IGF1R: variants seen among roughly 807,000 people sequenced by gnomAD.
The protein encoded by IGF1R is insulin like growth factor 1 receptor.
In IGF1R, 44 loss-of-function variants were observed where a neutral mutation model predicts 144.6. The observed-to-expected ratio is 0.30, with a 90% confidence interval of 0.24 to 0.39. IGF1R has a LOEUF of 0.39. IGF1R is among the 10% of genes least tolerant of loss of function. The pLI, the probability that IGF1R is intolerant of heterozygous loss-of-function variation, is 1.00. For synonymous variants in IGF1R, 795 were observed against 722.8 expected (o/e 1.10, Z -1.60); for missense variants, 1,355 against 1,833.7 (o/e 0.74, Z 4.77).
chr15:98,685,947 C>T (rs763820343), intron 1 of IGF1R, among the ~76,000 whole-genome samples: 2 of 152,222 alleles, frequency 1.3e-5, no homozygotes, highest in Non-Finnish European at 2.9e-5. Flanking sequence ...GCATTAAGTA[C>T]ATTCATATTG....
At chr15:98,921,923 G>A (rs568898520) in intron 10 of IGF1R, among the ~76,000 whole-genome samples, 2 of 152,078 alleles carry the variant, frequency 1.3e-5, no homozygotes, top group South Asian at 2.1e-4. Flanking sequence ...TCTGAGAGCC[G>A]GGGGGTGGGG....
chr15:98,881,525 G>T (rs1432769778), intron 2 of IGF1R, among the ~76,000 whole-genome samples: 1 of 152,192 alleles, frequency 6.6e-6, no homozygotes, highest in Non-Finnish European at 1.5e-5. Flanking sequence ...CTTTCACCAT[G>T]TTGACCAGGC....
intron 1 of IGF1R, among the ~76,000 whole-genome samples, chr15:98,694,654 A>G (rs751573494): frequency 6.6e-6 from 1 of 152,156 alleles, no homozygotes; most frequent in Non-Finnish European, 1.5e-5. Flanking sequence ...TTTGAGAATT[A>G]TATTGTTCTC....
intron 1 of IGF1R, among the ~76,000 whole-genome samples, chr15:98,697,931 C>T (rs938747341): frequency 6.6e-6 from 1 of 151,654 alleles, no homozygotes; most frequent in African/African-American, 2.4e-5. Flanking sequence ...GATGGGGTTT[C>T]GCCATGTTGG....
At chr15:98,892,956 G>A (rs963639015) in intron 3 of IGF1R, among the ~76,000 whole-genome samples, 5 of 152,124 alleles carry the variant, frequency 3.3e-5, no homozygotes, top group African/African-American at 7.2e-5. Context: ...GGTCAAGGCC[G>A]AAATAAGCCA....
chr15:98,940,930 T>G (rs2016342641), intron 18 of IGF1R, among the ~76,000 whole-genome samples: 1 of 152,212 alleles, frequency 6.6e-6, no homozygotes, highest in South Asian at 2.1e-4. Context: ...CAAGAGGCCG[T>G]CCTGCCTCAG....
At position 98,891,819 on chromosome 15, in the gene IGF1R, A is replaced by G. The variant is rs2013937735; in HGVS notation, c.953+182A>G. ...TGGTGAGATTCTAGGAACAATTGGC[A>G]TGGCTTACCGCCCCCCTCACCAGTT... On this transcript the variant is annotated intron_variant, in intron 3 of 20. Transcript: ENST00000650285. The surrounding 1 kb of genome is among the most constrained non-coding windows in gnomAD (Gnocchi z 4.7). Among the ~76,000 whole-genome samples the G allele has an allele frequency of 6.6e-6, 1 of 152,208 alleles. No individual in the cohort carries two copies. The highest frequency in any genetic ancestry group is 2.1e-4 in the South Asian group (1 of 4,830).
intron 11 of IGF1R, among the ~76,000 whole-genome samples, chr15:98,923,355 C>T (rs553849182): frequency 2.2e-3 from 336 of 152,374 alleles, no homozygotes; most frequent in Admixed American, 4.5e-3. Context: ...TCGGGGCCAT[C>T]CTTCGTGCCT....
At chr15:98,748,781 T>C (rs1343124232) in intron 2 of IGF1R, among the ~76,000 whole-genome samples, 1 of 152,250 alleles carries the variant, frequency 6.6e-6, no homozygotes, top group Non-Finnish European at 1.5e-5. Context: ...GTTGGTATCT[T>C]CACTGCAAAC....
intron 2 of IGF1R, among the ~76,000 whole-genome samples, chr15:98,867,436 T>G (rs2012515392): frequency 6.6e-6 from 1 of 152,210 alleles, no homozygotes; most frequent in African/African-American, 2.4e-5. Flanking sequence ...CCCTACCACT[T>G]GCCAGTCTTG....
intron 13 of IGF1R, among the ~76,000 whole-genome samples, chr15:98,928,244 C>G (rs1034059166): frequency 6.6e-6 from 1 of 152,140 alleles, no homozygotes; most frequent in African/African-American, 2.4e-5. Context: ...CCATGACTTA[C>G]CAAGCCAGAT....
In IGF1R at chr15:98,923,882, C is replaced by G; in HGVS notation, c.2492C>G (p.Ala831Gly). Residue 831 changes from alanine to glycine, a missense_variant, in exon 12 of 21, where the codon GCA (alanine) becomes GGA (glycine). Around this residue, in one of 7 missense-constraint regions of IGF1R, gnomAD observed 880 missense variants for 1,202.7 expected, o/e 0.73. Coordinates refer to ENST00000650285, the MANE Select transcript of IGF1R (RefSeq NM_000875.5). ...VFARTMPAEG[A>G]DDIPGPVTWE... ...ACCTGTTTAAATTGTACAGAAGGAG[C>G]AGATGACATTCCTGGGCCAGTGACC... 1 of 1,613,664 alleles carries G rather than the reference C, an allele frequency of 6.2e-7. No homozygotes were observed. Among genetic ancestry groups the G allele is most frequent in the Non-Finnish European group, 8.5e-7 (1 of 1,179,580 alleles).
rs898510509 is a variant in IGF1R, at chr15:98,929,570, A to G, written c.2795A>G (p.Asn932Ser). 23 of 1,613,576 alleles carry G rather than the reference A, an allele frequency of 1.4e-5. No homozygotes were observed. The Admixed American group carries it at 2.2e-4, about 15-fold the overall frequency. ...CTCTTTGCTGCAGCAGGATATGAAAACTTCATCCATCTGATCATCGCTCTG... is the reference window on the plus strand; with the variant it reads ...CTCTTTGCTGCAGCAGGATATGAAAGCTTCATCCATCTGATCATCGCTCTG... ...FYVQAKTGYE[N>S]FIHLIIALPV... The change falls in exon 14 of 21, where the codon AAC (asparagine) becomes AGC (serine). Residue 932 changes from asparagine to serine, a missense_variant. Physicochemically the swap from Asn to Ser is conservative, Grantham distance 46. This residue lies in a region of IGF1R where 880 missense variants were observed against 1,202.7 expected (regional missense o/e 0.73). Coordinates refer to ENST00000650285, the MANE Select transcript of IGF1R (RefSeq NM_000875.5).
intron 2 of IGF1R, among the ~76,000 whole-genome samples, chr15:98,803,494 T>TA (rs1227318979): frequency 5.3e-5 from 1 of 18,936 alleles, no homozygotes; most frequent in Non-Finnish European, 2.8e-4. Flanking sequence ...TAGTGAATAT[T>TA]ACATTTTATT....
intron 2 of IGF1R, among the ~76,000 whole-genome samples, chr15:98,736,448 T>TG (rs1300791885): frequency 6.6e-6 from 1 of 152,082 alleles, no homozygotes; most frequent in African/African-American, 2.4e-5. Context: ...TTCAGTTTTA[T>TG]GGGGGGTGGT....
chr15:98,874,155 C>T (rs2012931942), intron 2 of IGF1R, among the ~76,000 whole-genome samples: 1 of 152,068 alleles, frequency 6.6e-6, no homozygotes, highest in South Asian at 2.1e-4. Context: ...TCTTTGGTGG[C>T]CCGGCAGAGC....
chr15:98,938,290 C>T (rs1425212124), intron 17 of IGF1R, among the ~76,000 whole-genome samples: 1 of 152,208 alleles, frequency 6.6e-6, no homozygotes, highest in Admixed American at 6.5e-5. Context: ...AGCCCTATGG[C>T]TTTGCAGTGC....
chr15:98,886,834 C>G (rs1246842285), intron 2 of IGF1R, among the ~76,000 whole-genome samples: 1 of 152,142 alleles, frequency 6.6e-6, no homozygotes, highest in Admixed American at 6.5e-5. Context: ...ACTCTCTAAT[C>G]CCACACTTGC....
chr15:98,866,933 C>G (rs370098650), intron 2 of IGF1R, among the ~76,000 whole-genome samples: 1 of 152,234 alleles, frequency 6.6e-6, no homozygotes, highest in African/African-American at 2.4e-5. Context: ...ATGACTGAGG[C>G]TTTGTTTTCC....
Sources: gnomAD v4.1 joint callset for allele counts (sites outside exome capture counted in the v4.1 genomes callset) on GRCh38, gnomAD v4.1.1 for gene constraint, gnomAD v4.1.1 regional missense constraint, Gnocchi (gnomAD v3.1) non-coding constraint, MANE v1.5 for transcripts, NCBI Gene and HGNC (gene_info 2026-07-23, HGNC 2026-07-21) for gene names.